RBM10: variants seen among roughly 807,000 people sequenced by gnomAD.
The protein encoded by RBM10 is RNA-binding protein 10.
Under a neutral mutation model 84.9 loss-of-function variants are expected in RBM10, and 1 was observed. The ratio of observed to expected loss-of-function variants is 0.01; its 90% CI spans 0.00 to 0.06. The LOEUF is 0.06. Among genes scored for constraint, RBM10 ranks in the 10% least tolerant of loss-of-function variants. The pLI is 1.00. For synonymous variants in RBM10, 326 were observed against 344.5 expected (o/e 0.95, Z 0.60); for missense variants, 438 against 839.0 (o/e 0.52, Z 5.90).
intron 2 of RBM10, among the ~76,000 whole-genome samples, chrX:47,164,810 C>A (rs1309536020): frequency 2.7e-5 from 3 of 112,195 alleles, no homozygotes; most frequent in African/African-American, 9.7e-5. Context: ...CAAACAGATA[C>A]TTGGACACCA....
chrX:47,166,465 C>A (rs1934215005), intron 2 of RBM10, among the ~76,000 whole-genome samples: 1 of 110,769 alleles, frequency 9.0e-6, no homozygotes. Flanking sequence ...TCATCTTTCT[C>A]TCTCTCTTTT....
At chrX:47,154,559 C>T in intron 2 of RBM10, among the ~76,000 whole-genome samples, 1 of 109,556 alleles carries the variant, frequency 9.1e-6, no homozygotes, top group Non-Finnish European at 1.9e-5. Flanking sequence ...TCAGGGGATT[C>T]TTGTGCCTCA....
rs1933789470 is a variant in RBM10, at chrX:47,162,430, T to C, written c.18-6885T>C. ...ATCAAATCTTCCTTACTAGTGATTA[T>C]TGTATAGTACAATACTATATTATTT... is the stretch of plus-strand genomic sequence containing the variant. On this transcript the variant is annotated intron_variant, in intron 2 of 23. Coordinates refer to ENST00000377604, the MANE Select transcript of RBM10 (RefSeq NM_005676.5). Among the ~76,000 whole-genome samples, 3 of 112,255 alleles carry C rather than the reference T, an allele frequency of 2.7e-5. No individual in the cohort carries two copies. In the Admixed American group the frequency reaches 2.9e-4, roughly 11 times the overall value.
intron 2 of RBM10, among the ~76,000 whole-genome samples, chrX:47,154,525 C>T (rs1330034216): frequency 9.2e-6 from 1 of 108,904 alleles, no homozygotes; most frequent in African/African-American, 3.4e-5. Context: ...GATCTTGGCT[C>T]ACCGCAACCT....
intron 2 of RBM10, among the ~76,000 whole-genome samples, chrX:47,160,257 A>C (rs1556766389): frequency 8.9e-6 from 1 of 112,722 alleles, no homozygotes; most frequent in East Asian, 2.8e-4. Context: ...AAAAATTGAC[A>C]ATTTGGACCT....
intron 6 of RBM10, among the ~76,000 whole-genome samples, 167 bp from the exon 7 acceptor site, chrX:47,176,333 C>T (rs1291920444): frequency 8.9e-6 from 1 of 112,116 alleles, no homozygotes; most frequent in Admixed American, 9.4e-5. Flanking sequence ...AGCTGTGGCG[C>T]TTTCCCTCCC....
intron 9 of RBM10, 85 bp downstream of exon 9, chrX:47,179,580 C>T: frequency 9.9e-7 from 1 of 1,012,482 alleles, no homozygotes; most frequent in Admixed American, 2.5e-5. Context: ...TGAGCAGGAC[C>T]TCATCCTCAT....
At chrX:47,161,536 TGAGAGAGAGAGAGA>T (rs376441587) in intron 2 of RBM10, among the ~76,000 whole-genome samples, 1 of 62,185 alleles carries the variant, frequency 1.6e-5, no homozygotes, top group East Asian at 4.9e-4. Flanking sequence ...TTTTTTTTAG[TGAGAGAGAGAGAGA>T]GAGAGAGAGA....
At chrX:47,161,390 A>C (rs954134918) in intron 2 of RBM10, among the ~76,000 whole-genome samples, 3 of 111,129 alleles carry the variant, frequency 2.7e-5, no homozygotes, top group African/African-American at 9.8e-5. Context: ...CTTATACTGA[A>C]TTTCCAAGTG....
chrX:47,185,637 G>A lies in RBM10; in HGVS notation c.2355+7G>A, dbSNP rs2147218323. 1 of 1,207,721 alleles carries A rather than the reference G, an allele frequency of 8.3e-7. No homozygotes were observed. The highest frequency in any genetic ancestry group is 1.8e-5 in the South Asian group (1 of 56,083). Reference sequence around the variant, plus strand: ...GCTCTCAGGGCTCCACAAGGTAACAGCGGATGGTTGGCAGGGCATGCTGGG... The same window carrying A: ...GCTCTCAGGGCTCCACAAGGTAACAACGGATGGTTGGCAGGGCATGCTGGG... On this transcript the variant is annotated splice_region_variant and intron_variant, in intron 20 of 23. Transcript: ENST00000377604.
chrX:47,181,958 C>T lies in RBM10; in HGVS notation c.1701C>T (p.Pro567=), dbSNP rs782732887. 17 of 1,208,876 alleles carry T rather than the reference C, an allele frequency of 1.4e-5. No individual in the cohort carries two copies. Among genetic ancestry groups the T allele is most frequent in the Middle Eastern group, 2.3e-4 (1 of 4,375 alleles). The part of the protein sequence containing the change: ...AQESYSQYPV[P]DVSTYQYDET... Reference sequence around the variant, plus strand: ...GTTCCCCTCACCCCCTAGCTGTTCCCGACGTCTCTACCTACCAGTACGATG... The same window carrying T: ...GTTCCCCTCACCCCCTAGCTGTTCCTGACGTCTCTACCTACCAGTACGATG... The change falls in exon 16 of 24, where the codon CCC becomes CCT. Residue 567 remains proline, a synonymous_variant. Coordinates refer to ENST00000377604, the MANE Select transcript of RBM10 (RefSeq NM_005676.5).
chrX:47,184,991 G>T, intron 17 of RBM10, 64 bp from the exon 18 acceptor site: 1 of 1,145,095 alleles, frequency 8.7e-7, no homozygotes, highest in Non-Finnish European at 1.2e-6. Context: ...TGGGTCAGCA[G>T]ATAGAGTTAG....
rs146207449 is a variant in RBM10, at chrX:47,172,409, A to C, written c.433-719A>C. Among the ~76,000 whole-genome samples the C allele has an allele frequency of 2.0e-3, 221 of 112,190 alleles. 1 individual carries two copies. The highest frequency in any genetic ancestry group is 3.4e-3 in the Non-Finnish European group (180 of 53,151). ...GGGGAAACTGAGGCCCAGAGACATG[A>C]AGACTCCTTCCCAAGAATGGCTGGC... On this transcript the variant is annotated intron_variant, in intron 4 of 23. Transcript: ENST00000377604.
intron 2 of RBM10, among the ~76,000 whole-genome samples, chrX:47,165,546 C>T (rs1346274050): frequency 7.5e-5 from 8 of 107,261 alleles, no homozygotes; most frequent in Non-Finnish European, 1.3e-4. Context: ...AGGCTGGGCG[C>T]GGTGGCTCAC....
chrX:47,161,819 A>G (rs782611955), intron 2 of RBM10, among the ~76,000 whole-genome samples: 1 of 110,676 alleles, frequency 9.0e-6, no homozygotes, highest in Admixed American at 9.7e-5. Context: ...GGCATGAGCC[A>G]CTGCTCCTGG....
rs142184213 is a variant in RBM10 at position 47,183,991 on chromosome X, G to A, written c.1951-1064G>A. ...TGGGATTATAGGCATGAGCTACCGC[G>A]CCTGGCTACAAAAGCACTTGTTACC... On this transcript the variant is annotated intron_variant, in intron 17 of 23. Transcript: ENST00000377604. Among the ~76,000 whole-genome samples the A allele has an allele frequency of 9.7e-3, 1,065 of 110,135 alleles. 15 individuals are homozygous for A. Among genetic ancestry groups the A allele is most frequent in the African/African-American group, 0.033 (1,002 of 30,202 alleles).
chrX:47,182,338 G>T lies in RBM10; in HGVS notation c.1950+12G>T, dbSNP rs1556780332. On this transcript the variant is annotated intron_variant, in intron 17 of 23. Coordinates refer to ENST00000377604, the MANE Select transcript of RBM10 (RefSeq NM_005676.5). ...AGACAGCTCAACAGGTGAACACCAG[G>T]GTCCAGCAGTCACTGGCTGGCTGTG... The T allele has an allele frequency of 4.2e-6, 5 of 1,196,575 alleles. No individual in the cohort carries two copies. The Admixed American group carries it at 1.1e-4, about 27-fold the overall frequency.
intron 2 of RBM10, among the ~76,000 whole-genome samples, chrX:47,154,949 C>T (rs1254965521): frequency 9.3e-6 from 1 of 107,405 alleles, no homozygotes; most frequent in Non-Finnish European, 1.9e-5. Flanking sequence ...AGTTTGGGAC[C>T]AGCCTGGCCA....
intron 2 of RBM10, among the ~76,000 whole-genome samples, chrX:47,151,177 T>G (rs1214211808): frequency 3.6e-5 from 4 of 110,010 alleles, no homozygotes; most frequent in African/African-American, 9.9e-5. Context: ...TAGCTAGGAC[T>G]ACAGGCACGC....
Sources: gnomAD v4.1 joint callset for allele counts (sites outside exome capture counted in the v4.1 genomes callset) on GRCh38, gnomAD v4.1.1 for gene constraint, MANE v1.5 for transcripts, NCBI Gene and HGNC (gene_info 2026-07-23, HGNC 2026-07-21) for gene names.